Variants in WWOX observed in about 807,000 individuals in gnomAD.
WWOX encodes the protein WW domain-containing oxidoreductase.
WWOX carries 69 observed loss-of-function variants against 46.2 expected under a neutral mutation model. The ratio of observed to expected loss-of-function variants is 1.49; its 90% CI spans 1.23 to 1.82. The LOEUF is 1.82. Among genes scored for constraint, WWOX ranks in the 40% most tolerant of loss-of-function variants. WWOX has a pLI of 0.00. For missense variants in WWOX, 919 were observed against 542.6 expected, an observed-to-expected ratio of 1.69 and a Z score of -6.89; for synonymous variants, 359 against 202.6, an observed-to-expected ratio of 1.77 and a Z score of -6.56.
At chr16:78,728,329 C>G (rs970013970) in intron 8 of WWOX, among the ~76,000 whole-genome samples, 3 of 152,058 alleles carry the variant, frequency 2.0e-5, no homozygotes, top group Non-Finnish European at 4.4e-5. Flanking sequence ...CTTGGCCTCC[C>G]AAAGTGCTAG....
intron 8 of WWOX, among the ~76,000 whole-genome samples, chr16:78,721,687 C>T (rs1343249562): frequency 6.6e-6 from 1 of 152,210 alleles, no homozygotes; most frequent in Non-Finnish European, 1.5e-5. Flanking sequence ...CCTGCCTGAG[C>T]CTCTCGGAAA....
chr16:78,343,278 T>C (rs1187044414), intron 5 of WWOX, among the ~76,000 whole-genome samples: 1 of 120,464 alleles, frequency 8.3e-6, no homozygotes, highest in Non-Finnish European at 2.0e-5. Context: ...CCCATGATGC[T>C]GTGCTGATTG....
At chr16:78,424,504 G>C (rs576893559) in intron 6 of WWOX, among the ~76,000 whole-genome samples, 3 of 152,184 alleles carry the variant, frequency 2.0e-5, no homozygotes, top group Non-Finnish European at 4.4e-5. Flanking sequence ...GACAAAGTGA[G>C]ACTTGGATGA....
chr16:78,506,043 C>T (rs1053548673), intron 8 of WWOX, among the ~76,000 whole-genome samples: 7 of 152,236 alleles, frequency 4.6e-5, no homozygotes, highest in African/African-American at 9.6e-5. Flanking sequence ...ACCCCTGGAT[C>T]TTCTGCTGAG....
chr16:78,577,855 G>A (rs563194172), intron 8 of WWOX, among the ~76,000 whole-genome samples: 8 of 152,182 alleles, frequency 5.3e-5, no homozygotes, highest in East Asian at 1.9e-4. Context: ...GGCTTGTGCC[G>A]TTGGTAATTC....
intron 8 of WWOX, among the ~76,000 whole-genome samples, chr16:78,587,789 C>G (rs1220750018): frequency 1.3e-5 from 2 of 152,112 alleles, no homozygotes; most frequent in East Asian, 1.9e-4. Context: ...GTTATATGAT[C>G]CTTAGGCCAG....
At chr16:79,160,366 C>T (rs900827951) in intron 8 of WWOX, among the ~76,000 whole-genome samples, 1 of 152,098 alleles carries the variant, frequency 6.6e-6, no homozygotes, top group African/African-American at 2.4e-5. Context: ...CTACCTAGTC[C>T]CGGCTCCACC....
chr16:78,306,776 C>G (rs1597462128), intron 5 of WWOX, among the ~76,000 whole-genome samples: 1 of 151,944 alleles, frequency 6.6e-6, no homozygotes, highest in African/African-American at 2.4e-5. Flanking sequence ...GTAAATCTCA[C>G]TCCTTCCCAC....
At chr16:78,500,778 C>T (rs1268070341) in intron 8 of WWOX, among the ~76,000 whole-genome samples, 1 of 152,134 alleles carries the variant, frequency 6.6e-6, no homozygotes, top group African/African-American at 2.4e-5. Context: ...ATGAATTATT[C>T]AGGCAGTGTT....
chr16:78,305,897 A>C (rs959303640), intron 5 of WWOX, among the ~76,000 whole-genome samples: 12 of 151,796 alleles, frequency 7.9e-5, no homozygotes, highest in African/African-American at 2.9e-4. Context: ...AGGCTCATTG[A>C]GGAAAGTTGG....
chr16:79,145,887 C>G (rs922806541), intron 8 of WWOX, among the ~76,000 whole-genome samples: 7 of 151,944 alleles, frequency 4.6e-5, no homozygotes, highest in African/African-American at 1.2e-4. Context: ...TAAGAGTGAT[C>G]AAATACCTGT....
chr16:78,900,786 C>T (rs899800063), intron 8 of WWOX, among the ~76,000 whole-genome samples: 4 of 151,522 alleles, frequency 2.6e-5, no homozygotes, highest in Admixed American at 1.3e-4. Flanking sequence ...AACGTAATAA[C>T]CTCTCTTTTT....
At chr16:79,024,012 C>G (rs574279158) in intron 8 of WWOX, among the ~76,000 whole-genome samples, 2 of 152,088 alleles carry the variant, frequency 1.3e-5, no homozygotes, top group South Asian at 2.1e-4. Flanking sequence ...AAAAGATGAC[C>G]TAACATGTGA....
intron 8 of WWOX, among the ~76,000 whole-genome samples, chr16:78,750,479 T>C (rs1344645326): frequency 6.6e-6 from 1 of 152,230 alleles, no homozygotes; most frequent in Non-Finnish European, 1.5e-5. Context: ...GGATTTATTT[T>C]ATTTTATTTT....
intron 8 of WWOX, among the ~76,000 whole-genome samples, chr16:78,950,739 G>A (rs1486303652): frequency 1.3e-5 from 2 of 152,096 alleles, no homozygotes; most frequent in Admixed American, 6.5e-5. Context: ...GATAAAATTG[G>A]GAGTTTTCAA....
chr16:78,339,625 T>C (rs562422192), intron 5 of WWOX, among the ~76,000 whole-genome samples: 1 of 120,322 alleles, frequency 8.3e-6, no homozygotes, highest in Admixed American at 8.2e-5. Flanking sequence ...AATATGTGTG[T>C]GTGTCTGTGT....
At chr16:79,071,944 G>A (rs1196546383) in intron 8 of WWOX, among the ~76,000 whole-genome samples, 3 of 152,106 alleles carry the variant, frequency 2.0e-5, no homozygotes, top group Non-Finnish European at 1.5e-5. Flanking sequence ...TGGCTCACTT[G>A]TTCATTCATT....
chr16:79,037,582 A>G (rs902402531), intron 8 of WWOX, among the ~76,000 whole-genome samples: 5 of 152,180 alleles, frequency 3.3e-5, no homozygotes, highest in Non-Finnish European at 5.9e-5. Context: ...TACAAGGTCT[A>G]CAACTGCACC....
chr16:78,429,614 T>G (rs1437528079), intron 7 of WWOX, among the ~76,000 whole-genome samples: 5 of 152,142 alleles, frequency 3.3e-5, no homozygotes, highest in Non-Finnish European at 7.3e-5. Flanking sequence ...TTGTCCCTGT[T>G]GTCTATGCCA....
Sources: allele counts gnomAD v4.1 joint callset (sites outside exome capture counted in the v4.1 genomes callset), GRCh38; gene constraint gnomAD v4.1.1; transcripts MANE v1.5; gene names NCBI Gene and HGNC (gene_info 2026-07-23, HGNC 2026-07-21).